The following KIAA1217 variants were observed in gnomAD, a reference collection of about 807,000 sequenced individuals.
The protein encoded by KIAA1217 is KIAA1217.
KIAA1217 carries 88 observed loss-of-function variants against 163.9 expected under a neutral mutation model. The ratio of observed to expected loss-of-function variants is 0.54; its 90% CI spans 0.45 to 0.64. The LOEUF (loss-of-function observed/expected upper bound fraction) is 0.64, where lower values mean the gene tolerates loss of function less well. KIAA1217 is among the 30% of genes least tolerant of loss of function. KIAA1217 has a pLI of 0.00. For missense variants in KIAA1217, 2,372 were observed against 2,475.0 expected, an observed-to-expected ratio of 0.96 and a Z score of 0.88; for synonymous variants, 903 against 923.1, an observed-to-expected ratio of 0.98 and a Z score of 0.39.
chr10:23,734,400 C>T (rs1412318593), intron 1 of KIAA1217, among the ~76,000 whole-genome samples: 4 of 151,864 alleles, frequency 2.6e-5, no homozygotes, highest in African/African-American at 9.7e-5. Flanking sequence ...AATTCTCCTG[C>T]CTCAGCCTCC....
chr10:23,847,453 G>A (rs957546830), intron 1 of KIAA1217, among the ~76,000 whole-genome samples: 11 of 152,084 alleles, frequency 7.2e-5, no homozygotes, highest in Middle Eastern at 3.2e-3. Context: ...GTTTAAACTC[G>A]GGAGGGTGTA....
At chr10:24,348,539 T>A (rs2048079342) in intron 2 of KIAA1217, among the ~76,000 whole-genome samples, 1 of 152,216 alleles carries the variant, frequency 6.6e-6, no homozygotes, top group Admixed American at 6.5e-5. Flanking sequence ...AATTTAATTC[T>A]ACAAATTACT....
chr10:24,256,302 A>G (rs948496350), intron 2 of KIAA1217, among the ~76,000 whole-genome samples: 3 of 152,186 alleles, frequency 2.0e-5, no homozygotes, highest in African/African-American at 7.2e-5. Context: ...CAGAGATCTC[A>G]GTTCTTCCTA....
At chr10:24,311,067 A>G (rs1184657805) in intron 2 of KIAA1217, among the ~76,000 whole-genome samples, 1 of 152,216 alleles carries the variant, frequency 6.6e-6, no homozygotes, top group Non-Finnish European at 1.5e-5. Context: ...ATTAATTTAA[A>G]TGTCCATCAG....
chr10:23,934,242 A>T (rs1027527191), intron 1 of KIAA1217, among the ~76,000 whole-genome samples: 2 of 152,066 alleles, frequency 1.3e-5, no homozygotes, highest in African/African-American at 4.8e-5. Context: ...TTGCAGGGAC[A>T]TGGATGAAGC....
At chr10:24,031,691 TTG>T (rs1013569413) in intron 2 of KIAA1217, among the ~76,000 whole-genome samples, 1 of 151,230 alleles carries the variant, frequency 6.6e-6, no homozygotes, top group Non-Finnish European at 1.5e-5. Flanking sequence ...ATTTCACTGT[TTG>T]TGTGTGTGTG....
At chr10:24,339,365 C>G (rs1023570749) in intron 2 of KIAA1217, among the ~76,000 whole-genome samples, 1 of 152,184 alleles carries the variant, frequency 6.6e-6, no homozygotes, top group Non-Finnish European at 1.5e-5. Flanking sequence ...TTAGTTATTA[C>G]TTAATTTCAA....
intron 2 of KIAA1217, among the ~76,000 whole-genome samples, chr10:24,170,869 A>G (rs1311021067): frequency 6.6e-6 from 1 of 152,198 alleles, no homozygotes; most frequent in Non-Finnish European, 1.5e-5. Flanking sequence ...AAGGGGGCCC[A>G]CATCCTGTGG....
intron 1 of KIAA1217, among the ~76,000 whole-genome samples, chr10:23,924,797 T>C (rs1415822566): frequency 6.6e-6 from 1 of 152,210 alleles, no homozygotes; most frequent in Non-Finnish European, 1.5e-5. Context: ...ATGACACTGT[T>C]TCTGAGTCTG....
chr10:24,395,444 C>A, intron 3 of KIAA1217, among the ~76,000 whole-genome samples: 1 of 152,344 alleles, frequency 6.6e-6, no homozygotes, highest in Admixed American at 6.5e-5. Flanking sequence ...CCCAGGGACA[C>A]TCTGGCTCCA....
intron 10 of KIAA1217, among the ~76,000 whole-genome samples, chr10:24,517,417 G>A (rs918317949): frequency 3.3e-5 from 5 of 152,058 alleles, no homozygotes; most frequent in Non-Finnish European, 5.9e-5. Context: ...GATTTGATCT[G>A]TACAAATTAT....
At chr10:24,076,551 A>T (rs1446155052) in intron 2 of KIAA1217, among the ~76,000 whole-genome samples, 2 of 152,092 alleles carry the variant, frequency 1.3e-5, no homozygotes, top group Non-Finnish European at 2.9e-5. Flanking sequence ...TTCCATGTGC[A>T]CAGATTCTCT....
intron 2 of KIAA1217, among the ~76,000 whole-genome samples, chr10:24,193,617 CTTAAA>C (rs2066830783): frequency 6.6e-6 from 1 of 152,178 alleles, no homozygotes; most frequent in African/African-American, 2.4e-5. Flanking sequence ...TGAACAATGG[CTTAAA>C]TTGTTTCTTC....
chr10:23,825,275 G>T (rs1837846544), intron 1 of KIAA1217, among the ~76,000 whole-genome samples: 1 of 152,142 alleles, frequency 6.6e-6, no homozygotes, highest in Non-Finnish European at 1.5e-5. Context: ...TTTGGTGGGA[G>T]AAAAATGAAC....
At position 23,861,029 on chromosome 10, in the gene KIAA1217, A is replaced by C. The variant is rs564301927; in HGVS notation, c.-320-146196A>C. Among the ~76,000 whole-genome samples the C allele has an allele frequency of 2.0e-5, 3 of 151,642 alleles. No individual in the cohort carries two copies. The South Asian group carries it at 6.3e-4, about 32-fold the overall frequency. ...CTGAGCTCCAGCGAACCTACCACCT[A>C]AGCCTCCTGAGTAATTGGAACTACA... On this transcript the variant is annotated intron_variant, in intron 1 of 18. Transcript: ENST00000376462.
intron 2 of KIAA1217, among the ~76,000 whole-genome samples, chr10:24,118,481 C>T (rs1300897386): frequency 2.6e-5 from 4 of 152,182 alleles, no homozygotes; most frequent in African/African-American, 9.7e-5. Flanking sequence ...GCAGGAAATC[C>T]TCCATCTGTT....
intron 1 of KIAA1217, among the ~76,000 whole-genome samples, chr10:23,857,473 G>A (rs1839746563): frequency 6.6e-6 from 1 of 152,172 alleles, no homozygotes; most frequent in African/African-American, 2.4e-5. Flanking sequence ...ATCTCTAGCT[G>A]TAATTAAAAC....
At chr10:24,351,073 A>G (rs187958422) in intron 2 of KIAA1217, among the ~76,000 whole-genome samples, 25 of 152,134 alleles carry the variant, frequency 1.6e-4, no homozygotes, top group Admixed American at 5.2e-4. Context: ...TCAGCCTCCC[A>G]AGTAGCTGGA....
At chr10:23,944,101 C>T (rs570307145) in intron 1 of KIAA1217, among the ~76,000 whole-genome samples, 1 of 152,130 alleles carries the variant, frequency 6.6e-6, no homozygotes, top group Non-Finnish European at 1.5e-5. Flanking sequence ...AAATTGAGAA[C>T]TTCTCATCAA....
Sources: allele counts gnomAD v4.1 joint callset (sites outside exome capture counted in the v4.1 genomes callset), GRCh38; gene constraint gnomAD v4.1.1; transcripts MANE v1.5; gene names NCBI Gene and HGNC (gene_info 2026-07-23, HGNC 2026-07-21).